Variants in UBR3 observed in about 807,000 individuals in gnomAD.
UBR3 encodes the protein ubiquitin protein ligase E3 component n-recognin 3.
UBR3 carries 85 observed loss-of-function variants against 243.2 expected under a neutral mutation model. That is an observed-to-expected ratio of 0.35 (90% CI 0.29 to 0.42). The LOEUF is 0.42. Among genes scored for constraint, UBR3 ranks in the 10% least tolerant of loss-of-function variants. The pLI, the probability that UBR3 is intolerant of heterozygous loss-of-function variation, is 1.00. For missense variants in UBR3, 1,686 were observed against 2,300.8 expected, an observed-to-expected ratio of 0.73 and a Z score of 5.47; for synonymous variants, 748 against 799.8, an observed-to-expected ratio of 0.94 and a Z score of 1.09.
chr2:169,850,337 C>T (rs1417593297), intron 1 of UBR3, among the ~76,000 whole-genome samples: 1 of 152,132 alleles, frequency 6.6e-6, no homozygotes, highest in African/African-American at 2.4e-5. Context: ...CGCCACCATG[C>T]TTGGCCAATT....
chr2:169,979,826 A>T (rs572507199), intron 24 of UBR3, among the ~76,000 whole-genome samples: 82 of 152,314 alleles, frequency 5.4e-4, no homozygotes, highest in Non-Finnish European at 9.1e-4. Flanking sequence ...GATATGTAAC[A>T]CTGTTAAAAC....
intron 1 of UBR3, among the ~76,000 whole-genome samples, chr2:169,840,427 G>A (rs1223868746): frequency 6.6e-6 from 1 of 152,214 alleles, no homozygotes; most frequent in Non-Finnish European, 1.5e-5. Flanking sequence ...GCTCCTCCGG[G>A]TGGCTCCACC....
intron 36 of UBR3, 37 bp downstream of exon 36, chr2:170,073,644 T>C (rs763780187): frequency 1.3e-6 from 2 of 1,594,262 alleles, no homozygotes; most frequent in East Asian, 2.3e-5. Context: ...GTCACGGTGG[T>C]GATATGCTAA....
At chr2:169,843,624 T>G (rs1352348634) in intron 1 of UBR3, among the ~76,000 whole-genome samples, 1 of 152,268 alleles carries the variant, frequency 6.6e-6, no homozygotes, top group African/African-American at 2.4e-5. Flanking sequence ...GAACCAGTCT[T>G]GCATTTCTGG....
chr2:169,995,897 G>A (rs1261417706), intron 26 of UBR3, among the ~76,000 whole-genome samples: 1 of 151,416 alleles, frequency 6.6e-6, no homozygotes, highest in East Asian at 1.9e-4. Flanking sequence ...TATCAAATGG[G>A]GTTTCCTTTC....
intron 18 of UBR3, 47 bp from the exon 19 acceptor site, chr2:169,932,865 A>T: frequency 7.1e-7 from 1 of 1,405,302 alleles, no homozygotes; most frequent in East Asian, 2.5e-5. Context: ...ATAAATATTG[A>T]TTTTATTTCT....
intron 30 of UBR3, among the ~76,000 whole-genome samples, chr2:170,025,467 G>A (rs1328727288): frequency 3.3e-5 from 5 of 152,084 alleles, no homozygotes; most frequent in Admixed American, 1.3e-4. Flanking sequence ...GACATGAGAC[G>A]ACATGACACG....
At chr2:170,033,775 T>G (rs1057090332) in intron 31 of UBR3, among the ~76,000 whole-genome samples, 1 of 151,776 alleles carries the variant, frequency 6.6e-6, no homozygotes, top group African/African-American at 2.4e-5. Context: ...GTTTTTCATA[T>G]ATACTTTTTT....
At chr2:169,976,585 A>G (rs960303448) in intron 24 of UBR3, among the ~76,000 whole-genome samples, 2 of 152,086 alleles carry the variant, frequency 1.3e-5, no homozygotes, top group Middle Eastern at 3.4e-3. Flanking sequence ...GAAAATATCT[A>G]TTTTTTACTG....
At chr2:169,845,492 TTCGTCG>T (rs746655489) in intron 1 of UBR3, among the ~76,000 whole-genome samples, 11 of 123,524 alleles carry the variant, frequency 8.9e-5, no homozygotes, top group Non-Finnish European at 1.6e-4. Context: ...CCTTTCCCTC[TTCGTCG>T]TCATCGTCGT....
chr2:169,860,479 C>T (rs1215252390), intron 1 of UBR3, among the ~76,000 whole-genome samples: 1 of 152,120 alleles, frequency 6.6e-6, no homozygotes, highest in Admixed American at 6.6e-5. Flanking sequence ...TGAGGTTTCG[C>T]CATTCTCGCT....
chr2:169,973,954 T>C (rs553926489), intron 24 of UBR3, among the ~76,000 whole-genome samples: 2 of 152,356 alleles, frequency 1.3e-5, no homozygotes, highest in East Asian at 3.9e-4. Flanking sequence ...GAGATGATTG[T>C]ATAATTTTTG....
At chr2:169,986,209 C>T (rs527318584) in intron 24 of UBR3, among the ~76,000 whole-genome samples, 3 of 152,148 alleles carry the variant, frequency 2.0e-5, no homozygotes, top group Non-Finnish European at 4.4e-5. Flanking sequence ...GTTTTTTTCT[C>T]TTTTATATTC....
At chr2:169,864,917 A>T (rs1164839381) in intron 1 of UBR3, among the ~76,000 whole-genome samples, 1 of 150,146 alleles carries the variant, frequency 6.7e-6, no homozygotes, top group Non-Finnish European at 1.5e-5. Context: ...AAAAAAAAAA[A>T]AAAAAAAAAA....
intron 31 of UBR3, among the ~76,000 whole-genome samples, chr2:170,033,599 A>C (rs1219835820): frequency 1.3e-5 from 1 of 75,704 alleles, no homozygotes; most frequent in African/African-American, 5.7e-5. Flanking sequence ...CCCCCCCAAT[A>C]TTTGCTCTCA....
At chr2:169,861,233 A>G (rs926035071) in intron 1 of UBR3, among the ~76,000 whole-genome samples, 7 of 152,208 alleles carry the variant, frequency 4.6e-5, no homozygotes, top group African/African-American at 9.6e-5. Context: ...TTCGTATCCA[A>G]TCAAGTTGAC....
At chr2:169,881,742 AAT>A (rs1448095713) in intron 5 of UBR3, among the ~76,000 whole-genome samples, 5 of 138,870 alleles carry the variant, frequency 3.6e-5, no homozygotes, top group Non-Finnish European at 7.7e-5. Flanking sequence ...TATATTATAT[AAT>A]ATATATTATA....
chr2:169,911,424 G>A (rs2105337082), intron 10 of UBR3, among the ~76,000 whole-genome samples: 1 of 152,154 alleles, frequency 6.6e-6, no homozygotes, highest in East Asian at 1.9e-4. Context: ...GAACAGTACT[G>A]GGAAGTAGGT....
intron 5 of UBR3, among the ~76,000 whole-genome samples, chr2:169,882,312 T>A (rs1174433220): frequency 1.4e-5 from 2 of 141,376 alleles, no homozygotes; most frequent in Non-Finnish European, 3.0e-5. Flanking sequence ...GTATATTATA[T>A]ATTTATATAT....
Sources: gnomAD v4.1 joint callset for allele counts (sites outside exome capture counted in the v4.1 genomes callset) on GRCh38, gnomAD v4.1.1 for gene constraint, MANE v1.5 for transcripts, NCBI Gene and HGNC (gene_info 2026-07-23, HGNC 2026-07-21) for gene names.